TANGO6: variants seen among roughly 807,000 people sequenced by gnomAD.
TANGO6 encodes the protein transport and Golgi organization protein 6 homolog.
Under a neutral mutation model 114.2 loss-of-function variants are expected in TANGO6, and 90 were observed. The observed-to-expected ratio is 0.79, with a 90% CI of 0.66 to 0.94. TANGO6 has a LOEUF of 0.94. Among genes scored for constraint, TANGO6 ranks in the 40% least tolerant of loss-of-function variants. TANGO6 has a pLI of 0.00. For missense variants in TANGO6, 1,274 were observed against 1,315.3 expected, an observed-to-expected ratio of 0.97 and a Z score of 0.49; for synonymous variants, 477 against 509.8, an observed-to-expected ratio of 0.94 and a Z score of 0.87.
At chr16:68,898,678 G>T (rs1276481733) in intron 7 of TANGO6, among the ~76,000 whole-genome samples, 3 of 151,964 alleles carry the variant, frequency 2.0e-5, no homozygotes, top group Non-Finnish European at 2.9e-5. Flanking sequence ...TAGTGACTTT[G>T]TGAGATTGTT....
At chr16:69,061,448 C>T (rs949708814) in intron 17 of TANGO6, among the ~76,000 whole-genome samples, 3 of 151,978 alleles carry the variant, frequency 2.0e-5, no homozygotes, top group African/African-American at 7.2e-5. Flanking sequence ...CCTGTAGTCC[C>T]AGCTACACAG....
chr16:69,039,635 C>CAAACAAAACA lies in TANGO6; in HGVS notation c.2995-662_2995-653dup, dbSNP rs143723155. Among the ~76,000 whole-genome samples, 31 of 151,810 alleles carry CAAACAAAACA rather than the reference C, an allele frequency of 2.0e-4. No individual in the cohort carries two copies. The East Asian group carries it at 3.9e-3, about 19-fold the overall frequency. ...TGGGTGACAGAGTGAGACCCTGTCT[C>CAAACAAAACA]AAACAAAACAAAACAAAACAGAAAA... On this transcript the variant is annotated intron_variant, in intron 16 of 17. Coordinates refer to ENST00000261778, the MANE Select transcript of TANGO6 (RefSeq NM_024562.2).
intron 17 of TANGO6, among the ~76,000 whole-genome samples, chr16:69,059,507 C>T (rs1192392103): frequency 1.3e-5 from 2 of 151,668 alleles, no homozygotes; most frequent in South Asian, 2.1e-4. Context: ...CGCCTGGCCA[C>T]TTTTCTTTTT....
chr16:68,973,923 G>A, intron 14 of TANGO6, 105 bp from the exon 15 acceptor site: 1 of 1,336,190 alleles, frequency 7.5e-7, no homozygotes, highest in Non-Finnish European at 1.0e-6. Flanking sequence ...GAGCTTTAGA[G>A]ATGGTTTTCA....
At chr16:68,932,885 C>T (rs1963260184) in intron 14 of TANGO6, among the ~76,000 whole-genome samples, 2 of 152,110 alleles carry the variant, frequency 1.3e-5, no homozygotes, top group Admixed American at 1.3e-4. Context: ...TATTAGTTTA[C>T]TATTCTATCA....
intron 15 of TANGO6, among the ~76,000 whole-genome samples, chr16:69,011,529 C>T (rs1374657776): frequency 6.6e-6 from 1 of 151,670 alleles, no homozygotes; most frequent in East Asian, 1.9e-4. Context: ...TCATAGCTTA[C>T]TGCAGTCCTC....
intron 16 of TANGO6, chr16:69,035,225 C>G (rs563588758): frequency 2.0e-5 from 3 of 152,112 alleles, no homozygotes; most frequent in African/African-American, 7.2e-5. Flanking sequence ...TCTGGGAAAC[C>G]CCAAGGAAGC....
chr16:68,875,174 G>C lies in TANGO6; in HGVS notation c.1015G>C (p.Asp339His), dbSNP rs1263798284. ...GAGAGAAGGSDAEVTAADWKK... is the reference protein window; with the variant it reads ...GAGAGAAGGSHAEVTAADWKK... ...GCCAGCGGGAGCAGCTGGTGGAAGT[G>C]ATGCTGAGGTGACGGCTGCTGACTG... The change falls in exon 5 of 18, where the codon GAT (aspartate) becomes CAT (histidine). Residue 339 changes from aspartate to histidine, a missense_variant. By Grantham distance (81) the Asp-to-His change is moderately conservative. Transcript: ENST00000261778. 6.2e-7 allele frequency: 1 copy of C among 1,611,750 alleles called. No homozygotes were observed. The highest frequency in any genetic ancestry group is 1.3e-5 in the African/African-American group (1 of 74,900).
intron 14 of TANGO6, among the ~76,000 whole-genome samples, chr16:68,952,968 A>G (rs1963484936): frequency 6.6e-6 from 1 of 151,914 alleles, no homozygotes; most frequent in African/African-American, 2.4e-5. Context: ...GAGAATTGTA[A>G]AATATTTTCT....
intron 15 of TANGO6, among the ~76,000 whole-genome samples, chr16:68,974,621 AC>A (rs1963743222): frequency 6.6e-6 from 1 of 152,152 alleles, no homozygotes; most frequent in Admixed American, 6.6e-5. Flanking sequence ...AGATCGCGCC[AC>A]TGTGCTCCAG....
At chr16:68,863,825 T>A (rs950054063) in intron 3 of TANGO6, among the ~76,000 whole-genome samples, 1 of 152,222 alleles carries the variant, frequency 6.6e-6, no homozygotes, top group Non-Finnish European at 1.5e-5. Context: ...GTTTCAAACA[T>A]GTAGTAGTAT....
intron 7 of TANGO6, among the ~76,000 whole-genome samples, chr16:68,889,476 A>T (rs924646029): frequency 5.9e-5 from 9 of 152,198 alleles, no homozygotes; most frequent in Non-Finnish European, 1.2e-4. Context: ...TTTAAAAAAG[A>T]TCATATTTGC....
At chr16:68,908,995 TA>T (rs1478705022) in intron 10 of TANGO6, among the ~76,000 whole-genome samples, 1 of 152,258 alleles carries the variant, frequency 6.6e-6, no homozygotes, top group African/African-American at 2.4e-5. Flanking sequence ...CTAATTCATT[TA>T]TTTTAACTGC....
intron 9 of TANGO6, among the ~76,000 whole-genome samples, chr16:68,904,437 T>C (rs564771326): frequency 6.6e-6 from 1 of 152,340 alleles, no homozygotes; most frequent in African/African-American, 2.4e-5. Context: ...GATTCTGGGA[T>C]AATACAGGAA....
intron 17 of TANGO6, among the ~76,000 whole-genome samples, chr16:69,081,878 G>T (rs1328296070): frequency 6.6e-6 from 1 of 150,870 alleles, no homozygotes; most frequent in Non-Finnish European, 1.5e-5. Context: ...CTGTTGCCCA[G>T]GCTGGAGTGC....
At chr16:68,931,537 T>G (rs532873554) in intron 14 of TANGO6, among the ~76,000 whole-genome samples, 1 of 152,290 alleles carries the variant, frequency 6.6e-6, no homozygotes, top group South Asian at 2.1e-4. Flanking sequence ...AAACTAAATG[T>G]GGTATATATA....
At chr16:69,007,094 C>A (rs1421490081) in intron 15 of TANGO6, 1 of 152,136 alleles carries the variant, frequency 6.6e-6, no homozygotes, top group African/African-American at 2.4e-5. Flanking sequence ...AATCCTTGCA[C>A]AGGAGCCATG....
intron 16 of TANGO6, among the ~76,000 whole-genome samples, chr16:69,028,603 A>G (rs1429563599): frequency 1.3e-5 from 2 of 152,150 alleles, no homozygotes; most frequent in Admixed American, 1.3e-4. Context: ...ACTACACTCT[A>G]GTCTGGGTGA....
chr16:69,061,531 C>A (rs1188955701), intron 17 of TANGO6, among the ~76,000 whole-genome samples: 1 of 151,958 alleles, frequency 6.6e-6, no homozygotes, highest in Non-Finnish European at 1.5e-5. Context: ...CCAGCCTAGG[C>A]GACAGAGTGA....
Sources: gnomAD v4.1 joint callset for allele counts (sites outside exome capture counted in the v4.1 genomes callset) on GRCh38, gnomAD v4.1.1 for gene constraint, MANE v1.5 for transcripts, NCBI Gene and HGNC (gene_info 2026-07-23, HGNC 2026-07-21) for gene names.